AK1: variants seen among roughly 807,000 people sequenced by gnomAD.
AK1 encodes adenylate kinase 1.
AK1 carries 13 observed loss-of-function variants against 23.9 expected under a neutral mutation model. That is an observed-to-expected ratio of 0.54 (90% CI 0.35 to 0.86). AK1 has a LOEUF of 0.86. Ranked by LOEUF, AK1 falls within the 40% of genes least tolerant of loss-of-function variation. The pLI, the probability that AK1 is intolerant of heterozygous loss-of-function variation, is 0.01. For missense variants in AK1, 214 were observed against 255.1 expected (o/e 0.84, Z 1.10); for synonymous variants, 97 against 102.8 (o/e 0.94, Z 0.34).
chr9:127,869,831 A>T (rs1286825237), intron 5 of AK1, among the ~76,000 whole-genome samples: 1 of 152,210 alleles, frequency 6.6e-6, no homozygotes. Flanking sequence ...TCTCTGGTTC[A>T]TCTGGGTCTC....
chr9:127,875,907 C>A (rs1829528062), intron 1 of AK1, among the ~76,000 whole-genome samples: 1 of 152,244 alleles, frequency 6.6e-6, no homozygotes, highest in African/African-American at 2.4e-5. Context: ...TCCACATGGG[C>A]CTTGAAGCCT....
chr9:127,878,660 A>C (rs998612707), upstream of AK1, among the ~76,000 whole-genome samples: 1 of 152,200 alleles, frequency 6.6e-6, no homozygotes, highest in Admixed American at 6.5e-5. Flanking sequence ...TTTGAGCAAG[A>C]GAGTGAGACT....
At chr9:127,873,368 G>C in intron 2 of AK1, 1 of 1,569,548 alleles carries the variant, frequency 6.4e-7, no homozygotes, top group Non-Finnish European at 8.6e-7. Context: ...CCTCCCTGTG[G>C]GTGCCTGGAC....
chr9:127,874,718 C>T, intron 1 of AK1, 69 bp from the exon 2 acceptor site: 2 of 1,481,440 alleles, frequency 1.4e-6, no homozygotes, highest in Non-Finnish European at 1.9e-6. Context: ...CACTAAGCCA[C>T]ACCCAAGGCA....
chr9:127,873,764 C>G (rs1297035968), intron 2 of AK1: 1 of 985,320 alleles, frequency 1.0e-6, no homozygotes, highest in African/African-American at 1.7e-5. Context: ...AAACCAGAAC[C>G]CAAGCTCCCC....
intron 5 of AK1, among the ~76,000 whole-genome samples, chr9:127,870,658 C>T (rs556062710): frequency 3.9e-5 from 6 of 152,296 alleles, no homozygotes; most frequent in African/African-American, 1.4e-4. Flanking sequence ...ACCCCCATTT[C>T]AGATAGGGAA....
chr9:127,872,949 G>A, intron 3 of AK1, 77 bp downstream of exon 3: 1 of 1,613,252 alleles, frequency 6.2e-7, no homozygotes, highest in East Asian at 2.2e-5. Context: ...GCAGAGCCCA[G>A]GGTGCAGCCC....
chr9:127,876,846 A>T (rs1829551732), intron 1 of AK1, among the ~76,000 whole-genome samples: 1 of 152,214 alleles, frequency 6.6e-6, no homozygotes, highest in Non-Finnish European at 1.5e-5. Context: ...GCGACTCCTA[A>T]TATGACTGGA....
rs373262576 is a variant in AK1 at position 127,872,673 on chromosome 9, C to A, written c.207+17G>T. On this transcript the variant is annotated intron_variant, in intron 4 of 6. Transcript: ENST00000644144. ...TACTGTCATCCCCTGCCTCTCACCCCACCAGGGCCCACTCACCAGTGGAAC... is the reference window on the plus strand; with the variant it reads ...TACTGTCATCCCCTGCCTCTCACCCAACCAGGGCCCACTCACCAGTGGAAC... The A allele has an allele frequency of 4.3e-6, 7 of 1,613,736 alleles. No individual in the cohort carries two copies. Among genetic ancestry groups the A allele is most frequent in the African/African-American group, 4.0e-5 (3 of 74,910 alleles).
At chr9:127,875,320 T>C (rs547299936) in intron 1 of AK1, among the ~76,000 whole-genome samples, 1 of 151,252 alleles carries the variant, frequency 6.6e-6, no homozygotes, top group East Asian at 2.0e-4. Context: ...GCCCCCACCT[T>C]GCCCTCAGCC....
intron 2 of AK1, 94 bp from the exon 3 acceptor site, chr9:127,873,155 C>A (rs762507799): frequency 1.3e-6 from 2 of 1,559,984 alleles, no homozygotes; most frequent in Non-Finnish European, 1.7e-6. Flanking sequence ...GGGCCCCAGG[C>A]GGAGGGACAG....
Position 127,871,827 on chromosome 9 carries a change from C to T in AK1, c.320G>A (p.Arg107Gln), listed in dbSNP as rs767893823. The change falls in exon 5 of 7, where the codon CGA becomes CAA. Residue 107 changes from arginine to glutamine, a missense_variant. Coordinates refer to ENST00000644144, the MANE Select transcript of AK1 (RefSeq NM_000476.3). The surrounding 1 kb of genome is among the most constrained non-coding windows in gnomAD (Gnocchi z 4.4). Reference protein sequence around the residue: ...REVQQGEEFERRIGQPTLLLY... With the variant: ...REVQQGEEFEQRIGQPTLLLY... ...CCACTTGGGTCAGTGCCTTACCCGT[C>T]GCTCAAACTCTTCTCCTTGCTGCAC... The T allele has an allele frequency of 8.1e-6, 13 of 1,613,886 alleles. No homozygotes were observed. Among genetic ancestry groups the T allele is most frequent in the South Asian group, 6.6e-5 (6 of 91,082 alleles).
chr9:127,872,727 A>G lies in AK1; in HGVS notation c.170T>C (p.Leu57Pro). The change falls in exon 4 of 7, where the codon CTG (leucine) becomes CCG (proline). Residue 57 changes from leucine (L) to proline (P), a missense_variant. Coordinates refer to ENST00000644144, the MANE Select transcript of AK1 (RefSeq NM_000476.3). ...VSSGSARGKK[L>P]SEIMEKGQLV... ...CTGCCCCTTCTCCATGATTTCCGACAGCTTCTTGCCCCTGGCCGAGCCTGA... is the reference window on the plus strand; with the variant it reads ...CTGCCCCTTCTCCATGATTTCCGACGGCTTCTTGCCCCTGGCCGAGCCTGA... The G allele has an allele frequency of 6.2e-7, 1 of 1,614,130 alleles. No individual in the cohort carries two copies. The highest frequency in any genetic ancestry group is 8.5e-7 in the Non-Finnish European group (1 of 1,180,024).
At chr9:127,870,705 T>A (rs866000948) in intron 5 of AK1, among the ~76,000 whole-genome samples, 1 of 152,008 alleles carries the variant, frequency 6.6e-6, no homozygotes, top group South Asian at 2.1e-4. Flanking sequence ...TTTCCTGAGG[T>A]CTTGCAGCCA....
At chr9:127,873,714 C>A in intron 2 of AK1, 1 of 985,418 alleles carries the variant, frequency 1.0e-6, no homozygotes. Context: ...GGAAACTGAG[C>A]TCGAGAGAGG....
In AK1 at chr9:127,871,928, C is replaced by G; in HGVS notation, c.219G>C (p.Leu73Phe). The part of the protein sequence containing the change: ...KGQLVPLETV[L>F]DMLRDAMVAK... ...CCACCATGGCATCCCGGAGCATGTC[C>G]AACACTGTCTCCTGGGGCACAGCAA... Residue 73 changes from leucine to phenylalanine, a missense_variant, in exon 5 of 7, where the codon TTG (leucine) becomes TTC (phenylalanine). Coordinates refer to ENST00000644144, the MANE Select transcript of AK1 (RefSeq NM_000476.3). This position sits in a 1 kb window ranked among gnomAD's most constrained non-coding sequence, Gnocchi z 4.4. The G allele has an allele frequency of 6.2e-7, 1 of 1,613,852 alleles. No individual in the cohort carries two copies. The highest frequency in any genetic ancestry group is 8.5e-7 in the Non-Finnish European group (1 of 1,179,870).
intron 4 of AK1, 102 bp from the exon 5 acceptor site, chr9:127,872,041 C>T (rs1357310597): frequency 2.0e-6 from 2 of 1,012,932 alleles, no homozygotes; most frequent in Non-Finnish European, 3.1e-6. Flanking sequence ...GCCCTCTCCC[C>T]AACACAAATG....
At chr9:127,877,805 G>C (rs984259610), upstream of AK1, 1 of 152,108 alleles carries the variant, frequency 6.6e-6, no homozygotes, top group Non-Finnish European at 1.5e-5. This position sits in a 1 kb window ranked among gnomAD's most constrained non-coding sequence, Gnocchi z 5.2. Flanking sequence ...AGCGGGGCGG[G>C]ACCGAGCCCG....
chr9:127,873,574 T>C (rs893170926), intron 2 of AK1: 21 of 1,426,720 alleles, frequency 1.5e-5, no homozygotes, highest in African/African-American at 2.9e-5. Flanking sequence ...ATGGAGACAG[T>C]TGCCGGGGTG....
Sources: gnomAD v4.1 joint callset for allele counts (sites outside exome capture counted in the v4.1 genomes callset) on GRCh38, gnomAD v4.1.1 for gene constraint, Gnocchi (gnomAD v3.1) non-coding constraint, MANE v1.5 for transcripts, NCBI Gene and HGNC (gene_info 2026-07-23, HGNC 2026-07-21) for gene names.